MAN2A1: variants seen among roughly 807,000 people sequenced by gnomAD.
MAN2A1 encodes the protein mannosidase alpha class 2A member 1.
Under a neutral mutation model 142.6 loss-of-function variants are expected in MAN2A1, and 76 were observed. The observed-to-expected ratio is 0.53, with a 90% CI of 0.44 to 0.65. MAN2A1 has a LOEUF of 0.65. MAN2A1 is among the 30% of genes least tolerant of loss of function. The pLI, the probability that MAN2A1 is intolerant of heterozygous loss-of-function variation, is 0.00. For missense variants in MAN2A1, 1,311 were observed against 1,365.1 expected (o/e 0.96, Z 0.62); for synonymous variants, 559 against 473.2 (o/e 1.18, Z -2.35).
At chr5:109,728,526 G>C (rs1027587022) in intron 3 of MAN2A1, among the ~76,000 whole-genome samples, 6 of 150,764 alleles carry the variant, frequency 4.0e-5, no homozygotes, top group African/African-American at 1.5e-4. Context: ...CGTTTTAGTA[G>C]TCTGCCTTGT....
At chr5:109,834,467 TTA>T (rs1161809986) in intron 16 of MAN2A1, among the ~76,000 whole-genome samples, 1 of 152,240 alleles carries the variant, frequency 6.6e-6, no homozygotes, top group African/African-American at 2.4e-5. Flanking sequence ...CAGTTTTGTT[TTA>T]TGTTTTTCAT....
intron 12 of MAN2A1, among the ~76,000 whole-genome samples, chr5:109,793,137 G>A (rs1280245151): frequency 6.6e-6 from 1 of 151,996 alleles, no homozygotes; most frequent in Non-Finnish European, 1.5e-5. Context: ...TTCACCTATA[G>A]GCTACCTCAG....
chr5:109,838,385 T>C (rs763032871), intron 16 of MAN2A1, among the ~76,000 whole-genome samples: 42 of 152,290 alleles, frequency 2.8e-4, no homozygotes, highest in Non-Finnish European at 5.1e-4. Context: ...CAGAGGGACT[T>C]AGAAAGCCCT....
chr5:109,691,314 C>T (rs1367489392), intron 1 of MAN2A1, among the ~76,000 whole-genome samples: 1 of 152,138 alleles, frequency 6.6e-6, no homozygotes, highest in African/African-American at 2.4e-5. Flanking sequence ...ACAGTCTGTT[C>T]CCTTTGGAAG....
At chr5:109,776,441 G>A (rs1753294088) in intron 8 of MAN2A1, among the ~76,000 whole-genome samples, 1 of 151,954 alleles carries the variant, frequency 6.6e-6, no homozygotes, top group African/African-American at 2.4e-5. Context: ...TGTGATCAGA[G>A]GAAGGGATAT....
intron 16 of MAN2A1, among the ~76,000 whole-genome samples, chr5:109,834,343 T>C (rs1239637443): frequency 2.0e-5 from 3 of 152,160 alleles, no homozygotes; most frequent in African/African-American, 7.2e-5. Flanking sequence ...ATTTATTTTA[T>C]CTATTTTGAG....
chr5:109,845,310 G>A (rs1179852113), intron 17 of MAN2A1, among the ~76,000 whole-genome samples: 1 of 152,064 alleles, frequency 6.6e-6, no homozygotes, highest in African/African-American at 2.4e-5. Flanking sequence ...TTGGAATTTG[G>A]AACTATCTAC....
chr5:109,866,010 T>C (rs1755869485), intron 21 of MAN2A1, among the ~76,000 whole-genome samples: 3 of 152,130 alleles, frequency 2.0e-5, no homozygotes, highest in African/African-American at 7.2e-5. Flanking sequence ...GTTCCAACCC[T>C]ACAAATTAGC....
chr5:109,690,546 C>A lies in MAN2A1; in HGVS notation c.129C>A (p.Phe43Leu), dbSNP rs756406048. Residue 43 changes from phenylalanine to leucine, a missense_variant, in exon 1 of 22, where the codon TTC becomes TTA. Coordinates refer to ENST00000261483, the MANE Select transcript of MAN2A1 (RefSeq NM_002372.4). The part of the protein sequence containing the change: ...YPRNPRREGS[F>L]PQGQLSMLQE... Reference sequence around the variant, plus strand: ...GGAACCCGCGCCGCGAGGGCTCCTTCCCTCAGGTAAGCACCTGGGAAGGGG... The same window carrying A: ...GGAACCCGCGCCGCGAGGGCTCCTTACCTCAGGTAAGCACCTGGGAAGGGG... 71 of 1,602,182 alleles carry A rather than the reference C, an allele frequency of 4.4e-5. No homozygotes were observed. The Middle Eastern group carries it at 6.7e-4, about 15-fold the overall frequency.
chr5:109,784,960 A>C, intron 10 of MAN2A1, 34 bp downstream of exon 10: 1 of 1,469,958 alleles, frequency 6.8e-7, no homozygotes. Flanking sequence ...TCTTTAAAAA[A>C]ATCATTAAAA....
chr5:109,757,891 C>G (rs1209563031), intron 5 of MAN2A1, among the ~76,000 whole-genome samples: 2 of 152,104 alleles, frequency 1.3e-5, no homozygotes, highest in East Asian at 3.8e-4. Flanking sequence ...CTTTTTATAG[C>G]TGAATAATAT....
intron 4 of MAN2A1, among the ~76,000 whole-genome samples, chr5:109,748,173 A>G (rs1752454954): frequency 1.3e-5 from 2 of 152,206 alleles, no homozygotes; most frequent in East Asian, 1.9e-4. Flanking sequence ...GGATGAAAGT[A>G]CATATGCATT....
At chr5:109,743,695 C>T (rs1374716515) in intron 4 of MAN2A1, among the ~76,000 whole-genome samples, 1 of 152,202 alleles carries the variant, frequency 6.6e-6, no homozygotes. Flanking sequence ...GCTCTTGTCT[C>T]GTACTATTGT....
rs1357011154 is a variant in MAN2A1 at position 109,713,731 on chromosome 5, GTC to G, written c.349_350del (p.Leu117ValfsTer24). 1 of 1,613,586 alleles carries G rather than the reference GTC, an allele frequency of 6.2e-7. No individual in the cohort carries two copies. Among genetic ancestry groups the G allele is most frequent in the Non-Finnish European group, 8.5e-7 (1 of 1,179,918 alleles). Reference sequence around the variant, plus strand: ...TCCCTCTCAGTTGACACTGCAGACTGTCTGTTTGCTTCACAAAGTGGAAGTCA... The same window carrying G: ...TCCCTCTCAGTTGACACTGCAGACTGTGTTTGCTTCACAAAGTGGAAGTCA... On this transcript the variant is annotated frameshift_variant, in exon 2 of 22. Transcript: ENST00000261483. LOFTEE classifies it high-confidence loss of function.
intron 16 of MAN2A1, among the ~76,000 whole-genome samples, chr5:109,828,739 A>G (rs1483222759): frequency 6.6e-6 from 1 of 152,236 alleles, no homozygotes; most frequent in Non-Finnish European, 1.5e-5. Context: ...GTTTTCCACC[A>G]ACATATTATA....
At chr5:109,701,883 A>T (rs1750994000) in intron 1 of MAN2A1, among the ~76,000 whole-genome samples, 1 of 152,200 alleles carries the variant, frequency 6.6e-6, no homozygotes, top group Non-Finnish European at 1.5e-5. Flanking sequence ...GGACAAGCTG[A>T]TCTGGAAAGT....
intron 16 of MAN2A1, among the ~76,000 whole-genome samples, chr5:109,827,404 TC>T: frequency 6.6e-6 from 1 of 152,362 alleles, no homozygotes; most frequent in South Asian, 2.1e-4. Context: ...CTTTAGTTGT[TC>T]TTTGACCCTT....
rs150107618 is a variant in MAN2A1, at chr5:109,726,949, A to C, written c.536-2393A>C. Among the ~76,000 whole-genome samples the C allele has an allele frequency of 9.7e-4, 148 of 152,346 alleles. 1 individual carries two copies. The highest frequency in any genetic ancestry group is 3.5e-3 in the African/African-American group (144 of 41,582). ...ACGATAATTCTAATAGAACCATTTC[A>C]TTTACATGGTCCTTGTTGCACGTGT... On this transcript the variant is annotated intron_variant, in intron 3 of 21. Coordinates refer to ENST00000261483, the MANE Select transcript of MAN2A1 (RefSeq NM_002372.4).
At chr5:109,847,818 A>G (rs1162649143) in intron 19 of MAN2A1, 28 bp downstream of exon 19, 1 of 1,436,808 alleles carries the variant, frequency 7.0e-7, no homozygotes. Flanking sequence ...GCATGATCTG[A>G]TATTGATTGT....
Sources: allele counts gnomAD v4.1 joint callset (sites outside exome capture counted in the v4.1 genomes callset), GRCh38; gene constraint gnomAD v4.1.1; transcripts MANE v1.5; gene names NCBI Gene and HGNC (gene_info 2026-07-23, HGNC 2026-07-21).